The following ATXN2L variants were observed in gnomAD, a reference collection of about 807,000 sequenced individuals.
ATXN2L encodes the protein ataxin 2 like.
In ATXN2L, 24 loss-of-function variants were observed where a neutral mutation model predicts 120.7. The ratio of observed to expected loss-of-function variants is 0.20; its 90% CI spans 0.14 to 0.28. The LOEUF is 0.28. ATXN2L is among the 10% of genes least tolerant of loss of function. The pLI is 1.00. For missense variants in ATXN2L, 1,312 were observed against 1,432.3 expected (o/e 0.92, Z 1.36); for synonymous variants, 653 against 568.1 (o/e 1.15, Z -2.13).
chr16:28,832,373 C>T lies in ATXN2L; in HGVS notation c.1490C>T (p.Pro497Leu). 1.2e-6 allele frequency: 2 copies of T among 1,614,190 alleles called. No homozygotes were observed. Among genetic ancestry groups the T allele is most frequent in the Non-Finnish European group, 1.7e-6 (2 of 1,180,028 alleles). Residue 497 changes from proline to leucine, a missense_variant, in exon 11 of 22, where the codon CCA becomes CTA. Pro to Leu is a moderately conservative substitution (Grantham distance 98, BLOSUM62 -3). Transcript: ENST00000336783. The stretch of plus-strand genomic sequence containing the variant: ...GTGGGCTCCATTTCTCCAGCTTCTC[C>T]AAAGATCTCCCTGGCCCCCACAGAT... Reference protein sequence around the residue: ...PGVGSISPASPKISLAPTDVK... With the variant: ...PGVGSISPASLKISLAPTDVK...
At position 28,836,853 on chromosome 16, in the gene ATXN2L, G is replaced by C; in HGVS notation, c.*588G>C. On this transcript the variant is annotated 3_prime_UTR_variant, in exon 22 of 22. Transcript: ENST00000336783. The stretch of plus-strand genomic sequence containing the variant: ...TCTATGTCTCTTCCCCCAGCAGCTC[G>C]GACCACTCCCAGCCCCCCATCCCCC... The C allele has an allele frequency of 6.5e-7, 1 of 1,541,820 alleles. No homozygotes were observed. Among genetic ancestry groups the C allele is most frequent in the South Asian group, 1.1e-5 (1 of 88,192 alleles).
chr16:28,830,084 A>T (rs778052449), intron 8 of ATXN2L, 26 bp downstream of exon 8: 10 of 1,592,470 alleles, frequency 6.3e-6, no homozygotes, highest in Non-Finnish European at 7.7e-6. Context: ...AGCCAGGACT[A>T]CTTGGGGCTT....
At chr16:28,827,786 C>A (rs923446303) in intron 6 of ATXN2L, among the ~76,000 whole-genome samples, 1 of 151,994 alleles carries the variant, frequency 6.6e-6, no homozygotes, top group Non-Finnish European at 1.5e-5. Context: ...GTGGTGGTCC[C>A]ACACCTGTAG....
chr16:28,830,524 A>AG, intron 8 of ATXN2L, 91 bp from the exon 9 acceptor site: 1 of 1,275,656 alleles, frequency 7.8e-7, no homozygotes, highest in Non-Finnish European at 1.1e-6. Flanking sequence ...GTTTGGGGGC[A>AG]GAAGGGGGAG....
chr16:28,833,372 G>C lies in ATXN2L; in HGVS notation c.1955+18G>C. The C allele has an allele frequency of 6.2e-7, 1 of 1,613,634 alleles. No homozygotes were observed. The highest frequency in any genetic ancestry group is 8.5e-7 in the Non-Finnish European group (1 of 1,179,626). On this transcript the variant is annotated intron_variant, in intron 14 of 21. Coordinates refer to ENST00000336783, the MANE Select transcript of ATXN2L (RefSeq NM_007245.4). ...GTTGCTGAGTGAGTGGAGCGGGGTGGGGCTCTGGGAGGATGGCAGGAGGGA... is the reference window on the plus strand; with the variant it reads ...GTTGCTGAGTGAGTGGAGCGGGGTGCGGCTCTGGGAGGATGGCAGGAGGGA...
intron 10 of ATXN2L, 129 bp downstream of exon 10, chr16:28,831,201 G>A: frequency 1.4e-6 from 1 of 718,064 alleles, no homozygotes; most frequent in Admixed American, 3.1e-5. Context: ...TTGGGATTTA[G>A]TCATATTGGG....
rs765370743 is a variant in ATXN2L at position 28,837,055 on chromosome 16, T to C, written c.*790T>C. 8.1e-5 allele frequency: 50 copies of C among 616,952 alleles called. No individual in the cohort carries two copies. Among genetic ancestry groups the C allele is most frequent in the Non-Finnish European group, 5.7e-5 (19 of 332,238 alleles). 38.2% of individuals were successfully genotyped at this position (616,952 alleles called of 1,614,324 possible). On this transcript the variant is annotated 3_prime_UTR_variant, in exon 22 of 22. Transcript: ENST00000336783. ...TCCCCCGCTGGAGACGGAAGATCTTTTATTTTCTATTATTTATAACTTCAG... is the reference window on the plus strand; with the variant it reads ...TCCCCCGCTGGAGACGGAAGATCTTCTATTTTCTATTATTTATAACTTCAG...
intron 6 of ATXN2L, among the ~76,000 whole-genome samples, chr16:28,828,129 A>G (rs1003886493): frequency 8.5e-5 from 13 of 152,146 alleles, no homozygotes; most frequent in African/African-American, 2.6e-4. Flanking sequence ...GGTTGCCATT[A>G]TTTTGCTACT....
Position 28,830,724 on chromosome 16 carries a change from C to T in ATXN2L, c.1144C>T (p.Arg382Cys), listed in dbSNP as rs776614927. 6.2e-6 allele frequency: 10 copies of T among 1,613,618 alleles called. No individual in the cohort carries two copies. The highest frequency in any genetic ancestry group is 8.5e-6 in the Non-Finnish European group (10 of 1,179,918). Residue 382 changes from arginine (R) to cysteine (C), a missense_variant, in exon 9 of 22, where the codon CGT becomes TGT. Coordinates refer to ENST00000336783, the MANE Select transcript of ATXN2L (RefSeq NM_007245.4). The stretch of plus-strand genomic sequence containing the variant: ...GCCTGGCCTTAGCTCTTTGCCACCT[C>T]GTGGCCCTCACCATCTGGACAACAG... ...GRPGLSSLPP[R>C]GPHHLDNSSP...
At position 28,833,435 on chromosome 16, in the gene ATXN2L, A is replaced by T; in HGVS notation, c.1956-4A>T. The stretch of plus-strand genomic sequence containing the variant: ...GTGAAGATTTACTGTACTTTCTCTC[A>T]CAGACAAGTAAAGAAATCAACGTTG... On this transcript the variant is annotated splice_polypyrimidine_tract_variant and splice_region_variant and intron_variant, in intron 14 of 21. Transcript: ENST00000336783. The T allele has an allele frequency of 6.2e-7, 1 of 1,614,164 alleles. No homozygotes were observed. Among genetic ancestry groups the T allele is most frequent in the Non-Finnish European group, 8.5e-7 (1 of 1,180,008 alleles).
Position 28,830,056 on chromosome 16 carries a change from C to T in ATXN2L, c.1032C>T (p.Ser344=). ...GGCGGGAGAGCCCCAGCTTGGCATCCAGGTGACTGTTGCAAACAGCCAGGA... is the reference window on the plus strand; with the variant it reads ...GGCGGGAGAGCCCCAGCTTGGCATCTAGGTGACTGTTGCAAACAGCCAGGA... ...GSGRESPSLA[S]REGKYIPLPQ... Residue 344 remains serine, a splice_region_variant and synonymous_variant, in exon 8 of 22, where the codon TCC becomes TCT. Transcript: ENST00000336783. The T allele has an allele frequency of 6.2e-7, 1 of 1,609,124 alleles. No individual in the cohort carries two copies. Among genetic ancestry groups the T allele is most frequent in the Non-Finnish European group, 8.5e-7 (1 of 1,176,076 alleles).
At position 28,823,347 on chromosome 16, in the gene ATXN2L, G is replaced by A; in HGVS notation, c.88G>A (p.Gly30Ser). ...GGCCGTGGCCCGTCGGCCCCCCGGG[G>A]GCACCAGCCCTCCCAACGGCGGCCT... The part of the protein sequence containing the change: ...QQAVARRPPG[G>S]TSPPNGGLPG... The change falls in exon 1 of 22, where the codon GGC (glycine) becomes AGC (serine). Residue 30 changes from glycine (G) to serine (S), a missense_variant. Physicochemically the swap from Gly to Ser is moderately conservative, Grantham distance 56. Transcript: ENST00000336783. 7.3e-7 allele frequency: 1 copy of A among 1,378,122 alleles called. No homozygotes were observed. The highest frequency in any genetic ancestry group is 9.4e-7 in the Non-Finnish European group (1 of 1,067,916). The allele number at this position is 1,378,122 out of a possible 1,614,324, so 85.4% of individuals were successfully genotyped here. A position where few individuals can be genotyped will look rare whatever the true frequency, so the allele number is the denominator to read the frequency against.
chr16:28,823,591 C>T (rs1428193357), intron 1 of ATXN2L, 33 bp downstream of exon 1: 4 of 1,300,548 alleles, frequency 3.1e-6, no homozygotes, highest in Non-Finnish European at 3.9e-6. Context: ...GAGGGAGCCG[C>T]GGCCACCCAG....
rs771612620 is a variant in ATXN2L at position 28,836,034 on chromosome 16, GC to G, written c.3004del (p.Gln1002LysfsTer50). 4.4e-6 allele frequency: 7 copies of G among 1,591,190 alleles called. No homozygotes were observed. The highest frequency in any genetic ancestry group is 1.8e-5 in the Admixed American group (1 of 56,978). On this transcript the variant is annotated frameshift_variant, in exon 22 of 22. Coordinates refer to ENST00000336783, the MANE Select transcript of ATXN2L (RefSeq NM_007245.4). LOFTEE classifies it high-confidence loss of function. ...TGCACCCACCCCAGAGTCATGGGGG[GC>G]CCCCCCAAGGCGCGGTGCCCCAGAG... Reference protein sequence around the residue: ...LLHPPQSHGGPPQGAVPQSGV... With the variant: ...LLHPPQSHGGXPQGAVPQSGV...
intron 8 of ATXN2L, among the ~76,000 whole-genome samples, 188 bp downstream of exon 8, chr16:28,830,246 T>TTAAA (rs757090316): frequency 6.8e-6 from 1 of 147,376 alleles, no homozygotes; most frequent in Non-Finnish European, 1.5e-5. Flanking sequence ...CTTGTAGATC[T>TTAAA]AAAAAAAAAA....
At chr16:28,825,977 G>C in intron 4 of ATXN2L, 136 bp downstream of exon 4, 1 of 951,842 alleles carries the variant, frequency 1.1e-6, no homozygotes, top group East Asian at 2.6e-5. Flanking sequence ...GAATAGTGCT[G>C]CAGGGAAAAA....
Position 28,832,818 on chromosome 16 carries a change from C to G in ATXN2L, c.1590C>G (p.Val530=), listed in dbSNP as rs1255516121. ...TTCTTTTTGACTGTTTTCTCATAGTCCCTGGTCTTCAGAATGAACAGAAAC... is the reference window on the plus strand; with the variant it reads ...TTCTTTTTGACTGTTTTCTCATAGTGCCTGGTCTTCAGAATGAACAGAAAC... ...PQELARIAGK[V]PGLQNEQKRF... is the part of the protein sequence containing the mutation. Residue 530 remains valine, a splice_region_variant and synonymous_variant, in exon 13 of 22, where the codon GTC becomes GTG. Coordinates refer to ENST00000336783, the MANE Select transcript of ATXN2L (RefSeq NM_007245.4). The G allele has an allele frequency of 2.5e-6, 4 of 1,614,046 alleles. No individual in the cohort carries two copies. The highest frequency in any genetic ancestry group is 4.5e-5 in the East Asian group (2 of 44,882).
rs745707050 is a variant in ATXN2L, at chr16:28,836,874, C to T, written c.*609C>T. On this transcript the variant is annotated 3_prime_UTR_variant, in exon 22 of 22. Coordinates refer to ENST00000336783, the MANE Select transcript of ATXN2L (RefSeq NM_007245.4). ...GCTCGGACCACTCCCAGCCCCCCATCCCCCCGTTCCCCAGGGGAGCTGGGG... is the reference window on the plus strand; with the variant it reads ...GCTCGGACCACTCCCAGCCCCCCATTCCCCCGTTCCCCAGGGGAGCTGGGG... 2.3e-6 allele frequency: 3 copies of T among 1,286,830 alleles called. No individual in the cohort carries two copies. The highest frequency in any genetic ancestry group is 2.4e-5 in the East Asian group (1 of 42,450). The allele number at this position is 1,286,830 out of a possible 1,614,324, so 79.7% of individuals were successfully genotyped here. A position where few individuals can be genotyped will look rare whatever the true frequency, so the allele number is the denominator to read the frequency against.
chr16:28,832,781 T>G lies in ATXN2L; in HGVS notation c.1589-36T>G, dbSNP rs746858734. On this transcript the variant is annotated intron_variant, in intron 12 of 21. Coordinates refer to ENST00000336783, the MANE Select transcript of ATXN2L (RefSeq NM_007245.4). ...GTGTAGCCACCTTAGAGAAAGAATGTTTTGTATTTTCTTCTTTTTGACTGT... is the reference window on the plus strand; with the variant it reads ...GTGTAGCCACCTTAGAGAAAGAATGGTTTGTATTTTCTTCTTTTTGACTGT... 1.9e-6 allele frequency: 3 copies of G among 1,602,316 alleles called. No individual in the cohort carries two copies. The South Asian group carries it at 3.3e-5, about 18-fold the overall frequency.
Sources: gnomAD v4.1 joint callset for allele counts (sites outside exome capture counted in the v4.1 genomes callset) on GRCh38, gnomAD v4.1.1 for gene constraint, MANE v1.5 for transcripts, NCBI Gene and HGNC (gene_info 2026-07-23, HGNC 2026-07-21) for gene names.